The following XPNPEP1 variants were observed in gnomAD, a reference collection of about 807,000 sequenced individuals.
The protein encoded by XPNPEP1 is xaa-Pro aminopeptidase 1.
XPNPEP1 carries 39 observed loss-of-function variants against 92.4 expected under a neutral mutation model. That is an observed-to-expected ratio of 0.42 (90% CI 0.33 to 0.55). The LOEUF (loss-of-function observed/expected upper bound fraction) is 0.55, where lower values mean the gene tolerates loss of function less well. XPNPEP1 is among the 20% of genes least tolerant of loss of function. The pLI is 0.08. For synonymous variants in XPNPEP1, 307 were observed against 299.4 expected (o/e 1.03, Z -0.26); for missense variants, 654 against 856.1 (o/e 0.76, Z 2.95).
intron 2 of XPNPEP1, among the ~76,000 whole-genome samples, chr10:109,911,648 TA>T (rs1295979870): frequency 2.0e-5 from 3 of 152,186 alleles, no homozygotes; most frequent in African/African-American, 7.2e-5. Context: ...TTATCATTCT[TA>T]AAAACAGTCA....
At chr10:109,907,205 A>G (rs1849602398) in intron 3 of XPNPEP1, among the ~76,000 whole-genome samples, 2 of 152,164 alleles carry the variant, frequency 1.3e-5, no homozygotes, top group Admixed American at 1.3e-4. Flanking sequence ...TTCAACCTTA[A>G]GTTCATCTTT....
At chr10:109,921,206 A>C (rs1850518845) in intron 1 of XPNPEP1, among the ~76,000 whole-genome samples, 1 of 152,210 alleles carries the variant, frequency 6.6e-6, no homozygotes, top group Non-Finnish European at 1.5e-5. Flanking sequence ...TATCCAACTC[A>C]ATTCCCTCCT....
chr10:109,875,804 A>G, intron 14 of XPNPEP1: 1 of 484,262 alleles, frequency 2.1e-6, no homozygotes, highest in Non-Finnish European at 3.7e-6. Context: ...CTATCTCCCC[A>G]GCTGAGATAA....
intron 1 of XPNPEP1, among the ~76,000 whole-genome samples, chr10:109,916,747 C>T (rs1162400751): frequency 1.3e-5 from 2 of 152,130 alleles, no homozygotes; most frequent in East Asian, 1.9e-4. Context: ...TACCAGCAAA[C>T]GGAATCTAGA....
At position 109,865,046 on chromosome 10, in the gene XPNPEP1, T is replaced by C; in HGVS notation, c.*138A>G. On this transcript the variant is annotated 3_prime_UTR_variant, in exon 21 of 21. Coordinates refer to ENST00000502935, the MANE Select transcript of XPNPEP1 (RefSeq NM_020383.4). The stretch of plus-strand genomic sequence containing the variant: ...TAAAATATCAAAGAGGATAAGAAGA[T>C]TTTCTGTTCTTCTTAAAGTCTAAAG... 1 of 1,220,066 alleles carries C rather than the reference T, an allele frequency of 8.2e-7. No individual in the cohort carries two copies. The highest frequency in any genetic ancestry group is 1.1e-6 in the Non-Finnish European group (1 of 874,834). 75.6% of individuals were successfully genotyped at this position (1,220,066 alleles called of 1,614,324 possible).
At chr10:109,869,726 A>C in intron 19 of XPNPEP1, 1 of 456,636 alleles carries the variant, frequency 2.2e-6, no homozygotes, top group Non-Finnish European at 4.0e-6. Context: ...TTTGCAGGGA[A>C]GGAGTGTGGT....
intron 1 of XPNPEP1, among the ~76,000 whole-genome samples, chr10:109,915,602 T>A (rs1850140554): frequency 1.3e-5 from 2 of 152,226 alleles, no homozygotes; most frequent in Non-Finnish European, 2.9e-5. Context: ...TTCTGCGTTT[T>A]GTGATCTTTT....
chr10:109,897,267 CA>C (rs564784851), intron 3 of XPNPEP1, among the ~76,000 whole-genome samples: 2,425 of 134,464 alleles, frequency 0.018, 30 homozygotes, highest in South Asian at 0.11. Flanking sequence ...CTGTAAACTA[CA>C]AAAAAAAAAA....
Position 109,875,555 on chromosome 10 carries a change from T to C in XPNPEP1, c.1364A>G (p.Tyr455Cys), listed in dbSNP as rs1410615147. The C allele has an allele frequency of 1.2e-6, 2 of 1,614,024 alleles. No individual in the cohort carries two copies. Among genetic ancestry groups the C allele is most frequent in the South Asian group, 1.1e-5 (1 of 91,092 alleles). Residue 455 changes from tyrosine (Y) to cysteine (C), a missense_variant, in exon 15 of 21, where the codon TAC becomes TGC. Tyr to Cys is a radical substitution (Grantham distance 194, BLOSUM62 -2). Transcript: ENST00000502935. ...GTATTGAGCACCCGAGTCAATAAGG[T>C]ACACCTCATCCAGGGACAAGGTCCT... is the stretch of plus-strand genomic sequence containing the variant. ...TNRTLSLDEV[Y>C]LIDSGAQYKD...
At chr10:109,868,759 G>C in intron 19 of XPNPEP1, 47 bp from the exon 20 acceptor site, 1 of 1,552,220 alleles carries the variant, frequency 6.4e-7, no homozygotes, top group South Asian at 1.1e-5. Context: ...TCTTTACTAT[G>C]CTGAAGCACC....
At chr10:109,866,070 G>A (rs557872268) in intron 20 of XPNPEP1, among the ~76,000 whole-genome samples, 1 of 152,196 alleles carries the variant, frequency 6.6e-6, no homozygotes, top group African/African-American at 2.4e-5. Flanking sequence ...GTTTTACCAA[G>A]AGGACAACAA....
intron 12 of XPNPEP1, among the ~76,000 whole-genome samples, chr10:109,878,818 A>G (rs1847921856): frequency 6.6e-6 from 1 of 151,836 alleles, no homozygotes; most frequent in African/African-American, 2.4e-5. Context: ...CTGAGGCTGC[A>G]GTGAGCTGTG....
At chr10:109,908,895 T>C (rs1157069430) in intron 2 of XPNPEP1, among the ~76,000 whole-genome samples, 2 of 152,206 alleles carry the variant, frequency 1.3e-5, no homozygotes, top group Non-Finnish European at 2.9e-5. Flanking sequence ...AGTCTTATCT[T>C]CTAGTGAATA....
At chr10:109,887,425 C>A (rs562642633) in intron 7 of XPNPEP1, among the ~76,000 whole-genome samples, 1 of 152,270 alleles carries the variant, frequency 6.6e-6, no homozygotes, top group East Asian at 1.9e-4. Flanking sequence ...CTTCCCAGGA[C>A]CCCTCTGGGC....
chr10:109,917,420 AAAG>A (rs1850253101), intron 1 of XPNPEP1, among the ~76,000 whole-genome samples: 1 of 152,238 alleles, frequency 6.6e-6, no homozygotes, highest in African/African-American at 2.4e-5. Context: ...AAATTTAACA[AAAG>A]AAGTGCAAAA....
intron 12 of XPNPEP1, 84 bp from the exon 13 acceptor site, chr10:109,878,142 C>A: frequency 1.3e-6 from 2 of 1,523,922 alleles, no homozygotes; most frequent in Non-Finnish European, 1.8e-6. Context: ...ATTAAAAGCT[C>A]ACTTTTTCCT....
In XPNPEP1 at chr10:109,865,106, G is replaced by A; in HGVS notation, c.*78C>T. 1 of 1,590,014 alleles carries A rather than the reference G, an allele frequency of 6.3e-7. No homozygotes were observed. The highest frequency in any genetic ancestry group is 8.6e-7 in the Non-Finnish European group (1 of 1,163,340). On this transcript the variant is annotated 3_prime_UTR_variant, in exon 21 of 21. Transcript: ENST00000502935. Reference sequence around the variant, plus strand: ...GAGGTAGGGAAGAAGGAAAGGAAAGGGGAAAGATGTCAGGGATCTGCCACG... The same window carrying A: ...GAGGTAGGGAAGAAGGAAAGGAAAGAGGAAAGATGTCAGGGATCTGCCACG...
At chr10:109,909,224 T>C (rs1849725644) in intron 2 of XPNPEP1, among the ~76,000 whole-genome samples, 1 of 151,028 alleles carries the variant, frequency 6.6e-6, no homozygotes, top group East Asian at 2.0e-4. Context: ...TGAGCCAGGA[T>C]TGCACCACTA....
At chr10:109,876,426 C>G (rs1012057638) in intron 14 of XPNPEP1, 1 of 152,248 alleles carries the variant, frequency 6.6e-6, no homozygotes, top group African/African-American at 2.4e-5. Flanking sequence ...TCTAAACAGG[C>G]TTCCAACCAC....
Sources: gnomAD v4.1 joint callset for allele counts (sites outside exome capture counted in the v4.1 genomes callset) on GRCh38, gnomAD v4.1.1 for gene constraint, MANE v1.5 for transcripts, NCBI Gene and HGNC (gene_info 2026-07-23, HGNC 2026-07-21) for gene names.